Variants in TUBB3 observed in about 807,000 individuals in gnomAD.
TUBB3 encodes the protein tubulin beta 3 class III.
A neutral mutation model predicts 37.8 loss-of-function variants in TUBB3; 17 were observed. The observed-to-expected ratio is 0.45, with a 90% CI of 0.31 to 0.67. The LOEUF (loss-of-function observed/expected upper bound fraction) is 0.67, where lower values mean the gene tolerates loss of function less well. Ranked by LOEUF, TUBB3 falls within the 30% of genes least tolerant of loss-of-function variation. TUBB3 has a pLI of 0.07. For synonymous variants in TUBB3, 332 were observed against 278.9 expected, an observed-to-expected ratio of 1.19 and a Z score of -1.90; for missense variants, 262 against 657.9, an observed-to-expected ratio of 0.40 and a Z score of 6.58.
chr16:89,928,404 G>C (rs1470412865), intron 1 of TUBB3, among the ~76,000 whole-genome samples: 1 of 150,616 alleles, frequency 6.6e-6, no homozygotes, highest in Non-Finnish European at 1.5e-5. Context: ...TGTCACTCAG[G>C]CTGGAGTGCA....
chr16:89,933,345 T>G, intron 2 of TUBB3, 123 bp from the exon 3 acceptor site: 1 of 875,752 alleles, frequency 1.1e-6, no homozygotes, highest in Non-Finnish European at 2.0e-6. Flanking sequence ...GGACTCTGAC[T>G]TCAGAGTACA....
intron 1 of TUBB3, among the ~76,000 whole-genome samples, chr16:89,925,809 C>T (rs961787293): frequency 9.8e-5 from 15 of 152,332 alleles, no homozygotes; most frequent in African/African-American, 3.4e-4. Context: ...CGGTGCCTGG[C>T]TGGGCAGGAA....
chr16:89,934,790 G>A lies in TUBB3; in HGVS notation c.339G>A (p.Val113=). 2.5e-6 allele frequency: 4 copies of A among 1,614,188 alleles called. No homozygotes were observed. The highest frequency in any genetic ancestry group is 1.7e-5 in the Admixed American group (1 of 60,022). Residue 113 remains valine (V), a synonymous_variant, in exon 4 of 4, where the codon GTG becomes GTA. Coordinates refer to ENST00000315491, the MANE Select transcript of TUBB3 (RefSeq NM_006086.4). ...KGHYTEGAEL[V]DSVLDVVRKE... is the part of the protein sequence containing the mutation. Reference sequence around the variant, plus strand: ...ACTACACGGAGGGGGCGGAGCTGGTGGATTCGGTCCTGGATGTGGTGCGGA... The same window carrying A: ...ACTACACGGAGGGGGCGGAGCTGGTAGATTCGGTCCTGGATGTGGTGCGGA...
intron 1 of TUBB3, among the ~76,000 whole-genome samples, chr16:89,926,766 G>A (rs2030102349): frequency 6.6e-6 from 1 of 151,856 alleles, no homozygotes; most frequent in Non-Finnish European, 1.5e-5. Context: ...TGCCCAGGCT[G>A]GAGTGCAGTG....
At chr16:89,926,425 G>A (rs962871318) in intron 1 of TUBB3, among the ~76,000 whole-genome samples, 24 of 152,230 alleles carry the variant, frequency 1.6e-4, no homozygotes, top group Admixed American at 2.6e-4. Context: ...CTTCATCGGG[G>A]ACCCCCGCTC....
rs764116527 is a variant in TUBB3 at position 89,934,927 on chromosome 16, A to T, written c.476A>T (p.Tyr159Phe). The stretch of plus-strand genomic sequence containing the variant: ...CTCATCAGCAAGGTGCGTGAGGAGT[A>T]TCCCGACCGCATCATGAACACCTTC... ...TLLISKVREE[Y>F]PDRIMNTFSV... The change falls in exon 4 of 4, where the codon TAT becomes TTT. Residue 159 changes from tyrosine to phenylalanine, a missense_variant. By Grantham distance (22) the Tyr-to-Phe change is conservative. Coordinates refer to ENST00000315491, the MANE Select transcript of TUBB3 (RefSeq NM_006086.4). 1.2e-6 allele frequency: 2 copies of T among 1,614,126 alleles called. No homozygotes were observed. The highest frequency in any genetic ancestry group is 2.2e-5 in the South Asian group (2 of 91,088).
chr16:89,932,505 C>A (rs1028337169), intron 1 of TUBB3, 66 bp from the exon 2 acceptor site: 3 of 1,405,334 alleles, frequency 2.1e-6, no homozygotes, highest in Non-Finnish European at 2.0e-6. Flanking sequence ...AAAGGCTTCA[C>A]AAGGGAAAGG....
chr16:89,934,693 T>C (rs781081139), intron 3 of TUBB3, 36 bp from the exon 4 acceptor site: 4 of 1,603,376 alleles, frequency 2.5e-6, no homozygotes, highest in South Asian at 1.1e-5. Flanking sequence ...GCAGAGTCCC[T>C]GGCCCCTGTC....
rs552907653 is a variant in TUBB3 at position 89,925,700 on chromosome 16, T to C, written c.57+2242T>C. Among the ~76,000 whole-genome samples the C allele has an allele frequency of 2.0e-5, 3 of 152,024 alleles. No individual in the cohort carries two copies. In the East Asian group the frequency reaches 5.8e-4, roughly 30 times the overall value. ...AGCGTGTTCCTTTGCTCTGCTGCCC[T>C]TGTGGAATCAATGGGAAGTTCCTTG... On this transcript the variant is annotated intron_variant, in intron 1 of 3. Coordinates refer to ENST00000315491, the MANE Select transcript of TUBB3 (RefSeq NM_006086.4).
chr16:89,934,578 A>T (rs1020325670), intron 3 of TUBB3, 151 bp from the exon 4 acceptor site: 10 of 758,244 alleles, frequency 1.3e-5, no homozygotes, highest in South Asian at 5.1e-5. Context: ...CACGGCGGGT[A>T]TGAGAAGGGG....
chr16:89,923,463 G>T lies in TUBB3; in HGVS notation c.57+5G>T, dbSNP rs749689817. ...GGCAACCAGATCGGGGCCAAGGTGA[G>T]GCTGCGCGCCCCGGCCTGTCCCGGG... On this transcript the variant is annotated splice_donor_5th_base_variant and intron_variant, in intron 1 of 3. Coordinates refer to ENST00000315491, the MANE Select transcript of TUBB3 (RefSeq NM_006086.4). 6.7e-7 allele frequency: 1 copy of T among 1,490,320 alleles called. No individual in the cohort carries two copies. Among genetic ancestry groups the T allele is most frequent in the Middle Eastern group, 2.4e-4 (1 of 4,094 alleles). 92.3% of individuals were successfully genotyped at this position (1,490,320 alleles called of 1,614,324 possible).
At chr16:89,933,643 C>A in intron 3 of TUBB3, 65 bp downstream of exon 3, 3 of 1,254,872 alleles carry the variant, frequency 2.4e-6, no homozygotes, top group Non-Finnish European at 3.5e-6. Flanking sequence ...GGTCGGTGGA[C>A]GGGGACGGCT....
At chr16:89,934,385 G>T (rs1477983582) in intron 3 of TUBB3, 1 of 517,092 alleles carries the variant, frequency 1.9e-6, no homozygotes. Context: ...CAGGGATTCT[G>T]GGGTGGCTGT....
At chr16:89,931,017 C>G (rs955030439) in intron 1 of TUBB3, among the ~76,000 whole-genome samples, 19 of 151,840 alleles carry the variant, frequency 1.3e-4, no homozygotes, top group Admixed American at 3.9e-4. Flanking sequence ...TTAGTAGAGA[C>G]GGGGTTTCAC....
intron 1 of TUBB3, among the ~76,000 whole-genome samples, chr16:89,926,134 C>A (rs992895732): frequency 1.3e-5 from 2 of 152,208 alleles, no homozygotes; most frequent in Non-Finnish European, 2.9e-5. Flanking sequence ...TGAATCTGGA[C>A]CCCCGGGCTT....
chr16:89,925,457 G>A (rs918801672), intron 1 of TUBB3, among the ~76,000 whole-genome samples: 2 of 151,352 alleles, frequency 1.3e-5, no homozygotes, highest in African/African-American at 4.9e-5. Context: ...TTAGCCTGGC[G>A]TGGTGGGCCG....
chr16:89,924,227 A>G (rs1283794343), intron 1 of TUBB3, among the ~76,000 whole-genome samples: 1 of 152,198 alleles, frequency 6.6e-6, no homozygotes, highest in East Asian at 1.9e-4. Flanking sequence ...GGGGCCACGC[A>G]GAAAGGGGCG....
chr16:89,924,749 G>A (rs11866243), intron 1 of TUBB3, among the ~76,000 whole-genome samples: 3,459 of 152,234 alleles, frequency 0.023, 121 homozygotes, highest in African/African-American at 0.079. Context: ...ATCACCCAAG[G>A]AGACAGCTGT....
chr16:89,935,102 G>A lies in TUBB3; in HGVS notation c.651G>A (p.Leu217=), dbSNP rs375313692. The stretch of plus-strand genomic sequence containing the variant: ...ACATCTGCTTCCGCACCCTCAAGCT[G>A]GCCACGCCCACCTACGGGGACCTCA... ...LYDICFRTLK[L]ATPTYGDLNH... The change falls in exon 4 of 4, where the codon CTG becomes CTA. Residue 217 remains leucine, a synonymous_variant. Coordinates refer to ENST00000315491, the MANE Select transcript of TUBB3 (RefSeq NM_006086.4). The A allele has an allele frequency of 3.7e-6, 6 of 1,614,052 alleles. No homozygotes were observed. Among genetic ancestry groups the A allele is most frequent in the Middle Eastern group, 1.6e-4 (1 of 6,084 alleles).
Sources: gnomAD v4.1 joint callset for allele counts (sites outside exome capture counted in the v4.1 genomes callset) on GRCh38, gnomAD v4.1.1 for gene constraint, MANE v1.5 for transcripts, NCBI Gene and HGNC (gene_info 2026-07-23, HGNC 2026-07-21) for gene names.